Variants in BTG4 observed in about 807,000 individuals in gnomAD.
BTG4 encodes protein BTG4.
In BTG4, 10 loss-of-function variants were observed where a neutral mutation model predicts 19.3. That is an observed-to-expected ratio of 0.52 (90% CI 0.32 to 0.88). BTG4 has a LOEUF of 0.88. Ranked by LOEUF, BTG4 falls within the 40% of genes least tolerant of loss-of-function variation. The probability of loss-of-function intolerance (pLI) is 0.04; values close to 1 mark genes in which losing one functional copy is unlikely to be tolerated. For missense variants in BTG4, 238 were observed against 281.9 expected (o/e 0.84, Z 1.11); for synonymous variants, 91 against 95.7 (o/e 0.95, Z 0.29).
In BTG4 at chr11:111,498,116, T is replaced by A. The variant is rs1347061930; in HGVS notation, c.193A>T (p.Asn65Tyr). 1.2e-6 allele frequency: 2 copies of A among 1,614,072 alleles called. No homozygotes were observed. The highest frequency in any genetic ancestry group is 1.3e-5 in the African/African-American group (1 of 75,054). ...QAFRCIRINN[N>Y]QNKDPILERA... ...TCTAGAATGGGATCTTTATTCTGAT[T>A]GTTGTTTATCCTGATGCACCTTTTT... The change falls in exon 3 of 5, where the codon AAT becomes TAT. Residue 65 changes from asparagine (N) to tyrosine (Y), a missense_variant. Physicochemically the swap from Asn to Tyr is moderately radical, Grantham distance 143 (BLOSUM62 -2). Transcript: ENST00000692032.
At chr11:111,452,281 C>G in the BTG4 span, 1 of 152,282 alleles carries the variant, frequency 6.6e-6, no homozygotes, top group African/African-American at 2.4e-5. Flanking sequence ...ATTCTGCCTC[C>G]CAGTCCCCAG....
At chr11:111,423,482 A>G in the BTG4 span, among the ~76,000 whole-genome samples, 3 of 152,194 alleles carry the variant, frequency 2.0e-5, no homozygotes, top group East Asian at 5.8e-4. Flanking sequence ...ATCTCAAAGC[A>G]TCATGTGCAC....
chr11:111,497,341 T>G lies in BTG4; in HGVS notation c.380A>C (p.Tyr127Ser). 1 of 1,559,956 alleles carries G rather than the reference T, an allele frequency of 6.4e-7. No individual in the cohort carries two copies. The highest frequency in any genetic ancestry group is 1.2e-5 in the South Asian group (1 of 80,548). The change falls in exon 4 of 5, where the codon TAT becomes TCT. Residue 127 changes from tyrosine (Y) to serine (S), a missense_variant. Physicochemically the swap from Tyr to Ser is moderately radical, Grantham distance 144. Transcript: ENST00000692032. Reference protein sequence around the residue: ...FKGRWEEWELYQQISYAVSRA... With the variant: ...FKGRWEEWELSQQISYAVSRA... ...ACTAACGGCATAACTGATTTGTTGATATAGTTCCCATTCCTCCCATCTGCC... is the reference window on the plus strand; with the variant it reads ...ACTAACGGCATAACTGATTTGTTGAGATAGTTCCCATTCCTCCCATCTGCC...
the BTG4 span, among the ~76,000 whole-genome samples, chr11:111,428,645 T>C: frequency 6.6e-6 from 1 of 152,216 alleles, no homozygotes; most frequent in Non-Finnish European, 1.5e-5. Context: ...AAGCTCAATG[T>C]TAGGTCCTAT....
At chr11:111,393,448 GA>G in the BTG4 span, among the ~76,000 whole-genome samples, 2 of 152,174 alleles carry the variant, frequency 1.3e-5, no homozygotes, top group Non-Finnish European at 2.9e-5. Context: ...AGGACACACT[GA>G]AGACCGGTGG....
At chr11:111,405,104 G>T in the BTG4 span, among the ~76,000 whole-genome samples, 3 of 152,124 alleles carry the variant, frequency 2.0e-5, no homozygotes, top group Non-Finnish European at 4.4e-5. Context: ...GACTCTGCTG[G>T]ACATTAAGAT....
intron 1 of BTG4, among the ~76,000 whole-genome samples, chr11:111,501,533 ATTAG>A (rs1265423259): frequency 6.6e-6 from 1 of 152,202 alleles, no homozygotes; most frequent in Admixed American, 6.5e-5. Context: ...GATAGAAGAA[ATTAG>A]TTATAGTATT....
upstream of BTG4, chr11:111,513,057 G>A (rs1208741435): frequency 2.2e-6 from 1 of 455,944 alleles, no homozygotes; most frequent in South Asian, 1.6e-5. Flanking sequence ...GAAGACGCCG[G>A]CTCGGGCAGC....
At chr11:111,484,544 T>G (rs891963206) in intron 5 of BTG4, among the ~76,000 whole-genome samples, 3 of 152,132 alleles carry the variant, frequency 2.0e-5, no homozygotes, top group African/African-American at 7.2e-5. Context: ...GCTTTGCTTT[T>G]CTTTGTAATC....
At chr11:111,450,406 G>A in the BTG4 span, 3 of 152,654 alleles carry the variant, frequency 2.0e-5, no homozygotes, top group African/African-American at 7.2e-5. Flanking sequence ...CTTGGACTTA[G>A]GGCAGAAGTC....
At chr11:111,492,434 TACA>T (rs1264590125), downstream of BTG4, among the ~76,000 whole-genome samples, 1 of 152,226 alleles carries the variant, frequency 6.6e-6, no homozygotes, top group Admixed American at 6.5e-5. Context: ...TTCAGATTTT[TACA>T]GCGATTAGTT....
At chr11:111,448,330 C>G in the BTG4 span, 1 of 152,388 alleles carries the variant, frequency 6.6e-6, no homozygotes, top group Non-Finnish European at 1.5e-5. Context: ...GCTCAGAAGC[C>G]CCCTAATGGG....
At chr11:111,444,358 A>T in the BTG4 span, among the ~76,000 whole-genome samples, 2 of 152,130 alleles carry the variant, frequency 1.3e-5, no homozygotes, top group South Asian at 4.2e-4. Context: ...GAGAGTCCTA[A>T]GAGGCAATGT....
At chr11:111,513,464 A>G (rs752641880), upstream of BTG4, 6 of 534,456 alleles carry the variant, frequency 1.1e-5, no homozygotes, top group East Asian at 3.3e-4. Context: ...CAGTGTAGTT[A>G]GCTGATTGCT....
intron 5 of BTG4, among the ~76,000 whole-genome samples, chr11:111,471,495 A>G (rs1864060046): frequency 6.6e-6 from 1 of 151,858 alleles, no homozygotes; most frequent in Non-Finnish European, 1.5e-5. Flanking sequence ...TATTTTTTTC[A>G]TTTGGCTCCC....
chr11:111,425,450 G>A, the BTG4 span, among the ~76,000 whole-genome samples: 2 of 152,200 alleles, frequency 1.3e-5, no homozygotes, highest in African/African-American at 4.8e-5. Context: ...TAAGGAGCCT[G>A]GGGACTTGGG....
chr11:111,458,653 C>T, the BTG4 span, among the ~76,000 whole-genome samples: 6 of 152,114 alleles, frequency 3.9e-5, no homozygotes, highest in Non-Finnish European at 5.9e-5. Context: ...CAGTCTTCCA[C>T]TTCCCACGAA....
intron 5 of BTG4, among the ~76,000 whole-genome samples, chr11:111,476,734 G>A (rs987811180): frequency 6.6e-6 from 1 of 152,070 alleles, no homozygotes; most frequent in Non-Finnish European, 1.5e-5. Flanking sequence ...CCCATAAGAC[G>A]GGCTATGAGG....
chr11:111,427,752 C>T, the BTG4 span, among the ~76,000 whole-genome samples: 15 of 152,258 alleles, frequency 9.9e-5, no homozygotes, highest in East Asian at 1.9e-4. Context: ...CTGCAGCTAC[C>T]CCAAGGGGAG....
Sources: allele counts gnomAD v4.1 joint callset (sites outside exome capture counted in the v4.1 genomes callset), GRCh38; gene constraint gnomAD v4.1.1; transcripts MANE v1.5; gene names NCBI Gene and HGNC (gene_info 2026-07-23, HGNC 2026-07-21).